The following CSMD1 variants were observed in gnomAD, a reference collection of about 807,000 sequenced individuals.
The protein encoded by CSMD1 is CUB and Sushi multiple domains 1.
CSMD1 carries 213 observed loss-of-function variants against 417.5 expected under a neutral mutation model. The ratio of observed to expected loss-of-function variants is 0.51; its 90% CI spans 0.46 to 0.57. The LOEUF is 0.57. Among genes scored for constraint, CSMD1 ranks in the 20% least tolerant of loss-of-function variants. The pLI is 0.00. For synonymous variants in CSMD1, 2,862 were observed against 1,736.8 expected (o/e 1.65, Z -16.11); for missense variants, 6,923 against 4,529.7 (o/e 1.53, Z -15.17).
rs113015488 is a variant in CSMD1, at chr8:3,925,982, T to A, written c.818+71921A>T. ...ATACCTTTAACCTCAGTCACCCAAT[T>A]TACCCTATGAAACTAATTGTCTATT... is the stretch of plus-strand genomic sequence containing the variant. On this transcript the variant is annotated intron_variant, in intron 5 of 69. Transcript: ENST00000635120. Among the ~76,000 whole-genome samples the A allele has an allele frequency of 4.3e-3, 640 of 148,738 alleles. 7 individuals are homozygous for A. Among genetic ancestry groups the A allele is most frequent in the African/African-American group, 0.015 (608 of 39,988 alleles).
chr8:3,835,173 A>T (rs1450716744), intron 5 of CSMD1, among the ~76,000 whole-genome samples: 2 of 148,534 alleles, frequency 1.3e-5, no homozygotes, highest in East Asian at 3.9e-4. Flanking sequence ...TTCCTCAGGG[A>T]TCTAGAACTA....
At chr8:3,692,984 T>C (rs560851692) in intron 7 of CSMD1, among the ~76,000 whole-genome samples, 10 of 152,164 alleles carry the variant, frequency 6.6e-5, no homozygotes, top group Non-Finnish European at 1.3e-4. Flanking sequence ...TATGACTTCT[T>C]TATCATCAAA....
At chr8:4,180,504 C>A (rs1199666915) in intron 3 of CSMD1, among the ~76,000 whole-genome samples, 1 of 151,324 alleles carries the variant, frequency 6.6e-6, no homozygotes, top group East Asian at 2.0e-4. Flanking sequence ...GTGCAGCACA[C>A]CAGCATGGCA....
chr8:3,558,756 G>A (rs547917247), intron 10 of CSMD1, among the ~76,000 whole-genome samples: 31 of 150,986 alleles, frequency 2.1e-4, no homozygotes, highest in African/African-American at 4.6e-4. Context: ...ATGATGAATA[G>A]TGCCTCAATA....
At chr8:4,427,232 C>T (rs185031684) in intron 2 of CSMD1, among the ~76,000 whole-genome samples, 8 of 152,258 alleles carry the variant, frequency 5.3e-5, no homozygotes, top group Admixed American at 2.0e-4. Context: ...AGGCACACGC[C>T]GTGCCCTGAA....
chr8:4,699,868 A>AAG (rs1807405225), intron 1 of CSMD1, among the ~76,000 whole-genome samples: 1 of 152,254 alleles, frequency 6.6e-6, no homozygotes, highest in Admixed American at 6.5e-5. Context: ...GAGCAAGAAC[A>AAG]AGAGACAAAG....
At chr8:4,059,016 T>C (rs112954357) in intron 3 of CSMD1, among the ~76,000 whole-genome samples, 2 of 151,998 alleles carry the variant, frequency 1.3e-5, no homozygotes, top group Admixed American at 6.6e-5. Flanking sequence ...ACCACACCTA[T>C]TCCAAAATTG....
At chr8:4,318,517 T>G (rs561925511) in intron 3 of CSMD1, among the ~76,000 whole-genome samples, 1 of 152,078 alleles carries the variant, frequency 6.6e-6, no homozygotes, top group Admixed American at 6.6e-5. Context: ...GCGAGAAAAC[T>G]TGAGTAAGTA....
At chr8:3,108,482 G>C (rs1816291639) in intron 44 of CSMD1, 121 bp downstream of exon 44, 4 of 993,698 alleles carry the variant, frequency 4.0e-6, no homozygotes, top group African/African-American at 1.6e-5. Context: ...CAGTGCAAAA[G>C]AATCATACAC....
intron 1 of CSMD1, among the ~76,000 whole-genome samples, chr8:4,881,909 A>G (rs1803428069): frequency 6.6e-6 from 1 of 151,976 alleles, no homozygotes; most frequent in African/African-American, 2.4e-5. Flanking sequence ...TTGATGCTGG[A>G]CACTTTTGTG....
At chr8:3,735,597 T>A (rs1321985909) in intron 6 of CSMD1, among the ~76,000 whole-genome samples, 1 of 152,218 alleles carries the variant, frequency 6.6e-6, no homozygotes. Context: ...CTGACTTCAC[T>A]ACTCATTTAA....
chr8:4,463,926 A>G (rs1046036455), intron 2 of CSMD1, among the ~76,000 whole-genome samples: 4 of 152,200 alleles, frequency 2.6e-5, no homozygotes, highest in East Asian at 1.9e-4. Flanking sequence ...ATTAAAAGAA[A>G]GCAGCAGCTC....
chr8:4,417,922 G>A (rs370451665), intron 3 of CSMD1, among the ~76,000 whole-genome samples: 4 of 152,012 alleles, frequency 2.6e-5, no homozygotes, highest in East Asian at 3.9e-4. Flanking sequence ...TTTGGTACTT[G>A]CAATAAATAT....
chr8:4,953,413 C>A (rs561139461), intron 1 of CSMD1, among the ~76,000 whole-genome samples: 19 of 152,186 alleles, frequency 1.2e-4, no homozygotes, highest in African/African-American at 4.6e-4. Flanking sequence ...ATATGAAGGA[C>A]AAATAAAATC....
chr8:3,561,215 A>G (rs1452906072), intron 10 of CSMD1, among the ~76,000 whole-genome samples: 1 of 152,212 alleles, frequency 6.6e-6, no homozygotes, highest in Non-Finnish European at 1.5e-5. Flanking sequence ...CTCTATGGAA[A>G]ACAGTATGGA....
At chr8:3,283,991 T>A (rs926131488) in intron 26 of CSMD1, among the ~76,000 whole-genome samples, 153 bp downstream of exon 26, 1 of 152,260 alleles carries the variant, frequency 6.6e-6, no homozygotes, top group Non-Finnish European at 1.5e-5. Context: ...GGAAGAGAAC[T>A]CTTCTCTGCA....
chr8:3,761,841 C>A (rs768399059), intron 5 of CSMD1, among the ~76,000 whole-genome samples: 3 of 151,990 alleles, frequency 2.0e-5, no homozygotes, highest in African/African-American at 4.8e-5. Flanking sequence ...TTCTTCCACC[C>A]GGAGCGGCAC....
At chr8:3,448,733 A>G (rs62505625) in intron 12 of CSMD1, among the ~76,000 whole-genome samples, 28,791 of 152,102 alleles carry the variant, frequency 0.19, 2,913 homozygotes, top group East Asian at 0.25. Flanking sequence ...TCACTCCTGC[A>G]CACCACAGAG....
chr8:3,964,931 T>C (rs1812569354), intron 5 of CSMD1, among the ~76,000 whole-genome samples: 1 of 152,314 alleles, frequency 6.6e-6, no homozygotes, highest in Non-Finnish European at 1.5e-5. Flanking sequence ...ATATTTGTCT[T>C]CATTTTGGGG....
Sources: gnomAD v4.1 joint callset for allele counts (sites outside exome capture counted in the v4.1 genomes callset) on GRCh38, gnomAD v4.1.1 for gene constraint, MANE v1.5 for transcripts, NCBI Gene and HGNC (gene_info 2026-07-23, HGNC 2026-07-21) for gene names.